Variants in AP3S1 observed in about 807,000 individuals in gnomAD.
AP3S1 encodes AP-3 complex subunit sigma-1.
AP3S1 carries 12 observed loss-of-function variants against 21.3 expected under a neutral mutation model. The ratio of observed to expected loss-of-function variants is 0.56; its 90% confidence interval spans 0.36 to 0.91. The LOEUF (loss-of-function observed/expected upper bound fraction) is 0.91. Among genes scored for constraint, AP3S1 ranks in the 40% least tolerant of loss-of-function variants. AP3S1 has a pLI of 0.01. For missense variants in AP3S1, 116 were observed against 225.0 expected, an observed-to-expected ratio of 0.52 and a Z score of 3.10; for synonymous variants, 48 against 78.4, an observed-to-expected ratio of 0.61 and a Z score of 2.05.
intron 1 of AP3S1, among the ~76,000 whole-genome samples, chr5:115,851,131 T>C (rs111544466): frequency 0.034 from 5,247 of 152,278 alleles, 318 homozygotes; most frequent in African/African-American, 0.12. Context: ...GTGATTGCTG[T>C]CACATTTTAA....
At chr5:115,850,562 T>C (rs1762371068) in intron 1 of AP3S1, among the ~76,000 whole-genome samples, 1 of 152,196 alleles carries the variant, frequency 6.6e-6, no homozygotes, top group South Asian at 2.1e-4. Context: ...TTCTACTTTG[T>C]GTCTCTATGA....
chr5:115,857,882 G>C (rs900840023), intron 1 of AP3S1, among the ~76,000 whole-genome samples: 5 of 152,160 alleles, frequency 3.3e-5, no homozygotes, highest in African/African-American at 1.2e-4. Context: ...GTTGTAAACT[G>C]TACTGTTTTT....
At position 115,842,114 on chromosome 5, in the gene AP3S1, T is replaced by C. The variant is rs768202808; in HGVS notation, c.69+8T>C. ...AAGTTCTACCAGCCCTACGTGAGTA[T>C]CCAGCCGCCGCTGATCCGGGCGAGG... On this transcript the variant is annotated splice_region_variant and intron_variant, in intron 1 of 5. Coordinates refer to ENST00000316788, the MANE Select transcript of AP3S1 (RefSeq NM_001284.4). The C allele has an allele frequency of 3.5e-5, 43 of 1,234,830 alleles. No individual in the cohort carries two copies. Among genetic ancestry groups the C allele is most frequent in the Non-Finnish European group, 4.6e-5 (43 of 938,462 alleles). 76.5% of individuals were successfully genotyped at this position (1,234,830 alleles called of 1,614,324 possible).
At chr5:115,856,605 C>T (rs1027714377) in intron 1 of AP3S1, among the ~76,000 whole-genome samples, 3 of 151,544 alleles carry the variant, frequency 2.0e-5, no homozygotes, top group South Asian at 4.2e-4. Flanking sequence ...GCCAGGACTA[C>T]AGGTGCCCAC....
intron 4 of AP3S1, among the ~76,000 whole-genome samples, chr5:115,899,538 T>G (rs942392450): frequency 6.6e-5 from 10 of 152,326 alleles, no homozygotes; most frequent in African/African-American, 2.4e-4. Context: ...TCCTCCTGCC[T>G]TGGCCTCCCA....
intron 3 of AP3S1, among the ~76,000 whole-genome samples, chr5:115,874,960 A>G (rs538697502): frequency 1.2e-3 from 184 of 152,170 alleles, no homozygotes; most frequent in Non-Finnish European, 2.0e-3. Flanking sequence ...AAACAGGGAT[A>G]ATAATAATAA....
chr5:115,887,464 TA>T lies in AP3S1; in HGVS notation c.274-7622del, dbSNP rs1673502600. Among the ~76,000 whole-genome samples, 5 of 152,032 alleles carry T rather than the reference TA, an allele frequency of 3.3e-5. No individual in the cohort carries two copies. The South Asian group carries it at 1.0e-3, about 32-fold the overall frequency. Reference sequence around the variant, plus strand: ...AAACCCAGAAACCAATTTTTTTTTTTACTTAGAAACTCAAAAAGGGGTCTGC... The same window carrying T: ...AAACCCAGAAACCAATTTTTTTTTTTCTTAGAAACTCAAAAAGGGGTCTGC... On this transcript the variant is annotated intron_variant, in intron 3 of 5. Coordinates refer to ENST00000316788, the MANE Select transcript of AP3S1 (RefSeq NM_001284.4).
chr5:115,902,190 G>A (rs1289675835), intron 4 of AP3S1, among the ~76,000 whole-genome samples: 1 of 152,110 alleles, frequency 6.6e-6, no homozygotes, highest in Admixed American at 6.5e-5. Flanking sequence ...TAGCAGAATA[G>A]ATTCTTCTGT....
At chr5:115,857,311 C>A (rs1762869667) in intron 1 of AP3S1, among the ~76,000 whole-genome samples, 1 of 152,164 alleles carries the variant, frequency 6.6e-6, no homozygotes, top group Non-Finnish European at 1.5e-5. Context: ...TATCATTCTA[C>A]AAGTATGTAC....
At chr5:115,870,215 T>G (rs1748104742) in intron 3 of AP3S1, 87 bp downstream of exon 3, 1 of 798,890 alleles carries the variant, frequency 1.3e-6, no homozygotes, top group African/African-American at 1.8e-5. Flanking sequence ...TTTTCTAAAA[T>G]GATGTTAGTA....
chr5:115,866,341 G>A (rs1763617762), intron 1 of AP3S1, among the ~76,000 whole-genome samples: 1 of 152,120 alleles, frequency 6.6e-6, no homozygotes, highest in African/African-American at 2.4e-5. Flanking sequence ...TTACTCATTT[G>A]TAAGATAATC....
At chr5:115,884,393 G>A (rs538035078) in intron 3 of AP3S1, among the ~76,000 whole-genome samples, 27 of 152,154 alleles carry the variant, frequency 1.8e-4, no homozygotes, top group African/African-American at 6.0e-4. Context: ...GTGAAACCCC[G>A]TCTCTACTAA....
intron 4 of AP3S1, chr5:115,898,859 A>ATGG (rs1305529091): frequency 6.6e-6 from 1 of 152,200 alleles, no homozygotes; most frequent in African/African-American, 2.4e-5. Context: ...CTTACACTAT[A>ATGG]TGTTTATTGT....
intron 3 of AP3S1, among the ~76,000 whole-genome samples, chr5:115,889,214 A>G (rs1332664191): frequency 6.6e-6 from 1 of 152,204 alleles, no homozygotes; most frequent in African/African-American, 2.4e-5. Flanking sequence ...GGAACTATTT[A>G]GACAGCATTT....
At chr5:115,846,787 C>T (rs947741739) in intron 1 of AP3S1, among the ~76,000 whole-genome samples, 6 of 152,024 alleles carry the variant, frequency 3.9e-5, no homozygotes, top group African/African-American at 9.7e-5. Flanking sequence ...TACTAACACA[C>T]GGCATTTCAG....
At chr5:115,894,879 C>T (rs1296720756) in intron 3 of AP3S1, among the ~76,000 whole-genome samples, 1 of 152,100 alleles carries the variant, frequency 6.6e-6, no homozygotes, top group Non-Finnish European at 1.5e-5. Flanking sequence ...GTTTTCTATA[C>T]TTATGTATTG....
intron 1 of AP3S1, among the ~76,000 whole-genome samples, chr5:115,843,592 A>G (rs776012653): frequency 6.6e-6 from 1 of 152,234 alleles, no homozygotes; most frequent in Non-Finnish European, 1.5e-5. Flanking sequence ...ACCAGCCTTT[A>G]TTGAAGGAGT....
chr5:115,862,203 A>C (rs1433049109), intron 1 of AP3S1, among the ~76,000 whole-genome samples: 1 of 151,958 alleles, frequency 6.6e-6, no homozygotes, highest in African/African-American at 2.4e-5. Flanking sequence ...TTTTTTATGT[A>C]CAGTCAACTC....
intron 3 of AP3S1, among the ~76,000 whole-genome samples, chr5:115,890,446 G>C (rs576256013): frequency 5.4e-4 from 83 of 152,312 alleles, no homozygotes; most frequent in African/African-American, 1.9e-3. Flanking sequence ...TTCAGACATA[G>C]ATAAAATGTA....
Sources: allele counts gnomAD v4.1 joint callset (sites outside exome capture counted in the v4.1 genomes callset), GRCh38; gene constraint gnomAD v4.1.1; transcripts MANE v1.5; gene names NCBI Gene and HGNC (gene_info 2026-07-23, HGNC 2026-07-21).